CELF2: variants seen among roughly 807,000 people sequenced by gnomAD.
CELF2 encodes the protein CUGBP Elav-like family member 2.
CELF2 carries 8 observed loss-of-function variants against 62.6 expected under a neutral mutation model. The observed-to-expected ratio is 0.13, with a 90% CI of 0.07 to 0.23. The LOEUF is 0.23. Among genes scored for constraint, CELF2 ranks in the 10% least tolerant of loss-of-function variants. The pLI is 1.00. For synonymous variants in CELF2, 258 were observed against 250.0 expected (o/e 1.03, Z -0.30); for missense variants, 333 against 671.0 (o/e 0.50, Z 5.56).
At chr10:11,100,221 A>T (rs1291826) in intron 1 of CELF2, among the ~76,000 whole-genome samples, 71,596 of 149,818 alleles carry the variant, frequency 0.48, 20,189 homozygotes, top group East Asian at 0.83. Flanking sequence ...ATAAATAAAT[A>T]AAATAAATAA....
chr10:10,558,700 C>A, the CELF2 span, among the ~76,000 whole-genome samples: 1 of 152,090 alleles, frequency 6.6e-6, no homozygotes, highest in Non-Finnish European at 1.5e-5. Context: ...TTGATTATTG[C>A]CACAATTTCA....
chr10:10,752,008 T>A, the CELF2 span, among the ~76,000 whole-genome samples: 7 of 152,222 alleles, frequency 4.6e-5, no homozygotes, highest in African/African-American at 1.4e-4. Flanking sequence ...AACAACAAAT[T>A]ATGACCTGCT....
rs1429460916 is a variant in CELF2 at position 11,097,226 on chromosome 10, A to G, written c.75-68260A>G. Reference sequence around the variant, plus strand: ...TTTGTTTTCCTGGTATGTTTGTAGTAAAAAATTAAGATAACATAGGAGAGG... The same window carrying G: ...TTTGTTTTCCTGGTATGTTTGTAGTGAAAAATTAAGATAACATAGGAGAGG... On this transcript the variant is annotated intron_variant, in intron 1 of 12. Coordinates refer to ENST00000633077, the MANE Select transcript of CELF2 (RefSeq NM_001326342.2). 2.0e-5 allele frequency: 3 copies of G among 152,232 alleles called. No individual in the cohort carries two copies. In the East Asian group the frequency reaches 5.8e-4, roughly 29 times the overall value. 9.4% of individuals were successfully genotyped at this position (152,232 alleles called of 1,614,324 possible). A position where few individuals can be genotyped will look rare whatever the true frequency, so the allele number is the denominator to read the frequency against.
At chr10:11,197,797 T>A (rs950960706) in intron 2 of CELF2, among the ~76,000 whole-genome samples, 1 of 152,276 alleles carries the variant, frequency 6.6e-6, no homozygotes, top group Admixed American at 6.5e-5. Context: ...TGTGCTAGTA[T>A]ATATTTACTG....
In CELF2 at chr10:11,150,345, A is replaced by G. The variant is rs550894754; in HGVS notation, c.75-15141A>G. Among the ~76,000 whole-genome samples, 4 of 152,336 alleles carry G rather than the reference A, an allele frequency of 2.6e-5. No individual in the cohort carries two copies. In the South Asian group the frequency reaches 8.3e-4, roughly 32 times the overall value. On this transcript the variant is annotated intron_variant, in intron 1 of 12. Coordinates refer to ENST00000633077, the MANE Select transcript of CELF2 (RefSeq NM_001326342.2). ...AGCAAGTGTGTGCACTGCTATCTAA[A>G]CATGAACCCTGCATGCCATGTCTTA... is the stretch of plus-strand genomic sequence containing the variant.
intron 4 of CELF2, among the ~76,000 whole-genome samples, chr10:11,250,834 T>C (rs571045732): frequency 6.6e-6 from 1 of 152,238 alleles, no homozygotes; most frequent in Non-Finnish European, 1.5e-5. Context: ...AGAATGCCTC[T>C]ATGAAATGTT....
intron 4 of CELF2, among the ~76,000 whole-genome samples, chr10:11,250,303 GT>G (rs2076765019): frequency 6.6e-6 from 1 of 152,222 alleles, no homozygotes; most frequent in South Asian, 2.1e-4. Flanking sequence ...GAGCCCAGGA[GT>G]TCAAGGCCAG....
chr10:10,950,785 C>T (rs1002044132), intron 2 of CELF2, among the ~76,000 whole-genome samples: 3 of 152,212 alleles, frequency 2.0e-5, no homozygotes, highest in Non-Finnish European at 4.4e-5. Context: ...GACAGAAGAG[C>T]AGCAGCTATC....
chr10:10,598,758 T>C, the CELF2 span, among the ~76,000 whole-genome samples: 3,086 of 126,312 alleles, frequency 0.024, 137 homozygotes, highest in African/African-American at 0.085. Flanking sequence ...TTTCTTTTTT[T>C]TTTTTTTTTT....
At chr10:11,017,504 C>G (rs537937148), upstream of CELF2, among the ~76,000 whole-genome samples, 1 of 152,166 alleles carries the variant, frequency 6.6e-6, no homozygotes, top group East Asian at 1.9e-4. This position sits in a 1 kb window ranked among gnomAD's most constrained non-coding sequence, Gnocchi z 5.5. Context: ...AGTTCCTGCC[C>G]GGGCAAGCAC....
chr10:10,599,762 C>T, the CELF2 span, among the ~76,000 whole-genome samples: 31 of 137,626 alleles, frequency 2.3e-4, no homozygotes, highest in African/African-American at 7.3e-4. Flanking sequence ...GATGGAGTCT[C>T]GCTCTGTCAC....
At position 11,207,311 on chromosome 10, in the gene CELF2, G is replaced by A. The variant is rs1041609807; in HGVS notation, c.272-10114G>A. ...CAGGGAGCTTGCTAGTCTTCACGGG[G>A]TCATGGAAATAACAGAAGATGGTTC... is the stretch of plus-strand genomic sequence containing the variant. On this transcript the variant is annotated intron_variant, in intron 2 of 12. Coordinates refer to ENST00000633077, the MANE Select transcript of CELF2 (RefSeq NM_001326342.2). This position sits in a 1 kb window ranked among gnomAD's most constrained non-coding sequence, Gnocchi z 4.1. Among the ~76,000 whole-genome samples, 1 of 152,154 alleles carries A rather than the reference G, an allele frequency of 6.6e-6. No homozygotes were observed. Among genetic ancestry groups the A allele is most frequent in the African/African-American group, 2.4e-5 (1 of 41,432 alleles).
chr10:10,909,844 G>T (rs1438774769), intron 1 of CELF2, among the ~76,000 whole-genome samples: 6 of 136,968 alleles, frequency 4.4e-5, no homozygotes, highest in Non-Finnish European at 1.5e-5. Context: ...TAGACAGACA[G>T]CCTCATGAAA....
In CELF2 at chr10:11,246,776, C is replaced by T. The variant is rs1446578557; in HGVS notation, c.355-2377C>T. Among the ~76,000 whole-genome samples the T allele has an allele frequency of 6.6e-6, 1 of 152,224 alleles. No homozygotes were observed. On this transcript the variant is annotated intron_variant, in intron 3 of 12. Coordinates refer to ENST00000633077, the MANE Select transcript of CELF2 (RefSeq NM_001326342.2). The surrounding 1 kb of genome is among the most constrained non-coding windows in gnomAD (Gnocchi z 4.6). ...TTTGCACCCTTCTTTCCCTCGCTGACAGCTTCGCGCATACCTGTGGCTTCA... is the reference window on the plus strand; with the variant it reads ...TTTGCACCCTTCTTTCCCTCGCTGATAGCTTCGCGCATACCTGTGGCTTCA...
intron 1 of CELF2, among the ~76,000 whole-genome samples, chr10:11,090,978 C>A (rs960233304): frequency 1.1e-4 from 16 of 152,130 alleles, no homozygotes; most frequent in Admixed American, 5.2e-4. Context: ...AACATGTAAT[C>A]ATTGTATTGA....
Position 11,165,175 on chromosome 10 carries a change from C to A in CELF2, c.75-311C>A, listed in dbSNP as rs1336433431. 1 of 1,211,162 alleles carries A rather than the reference C, an allele frequency of 8.3e-7. No homozygotes were observed. Among genetic ancestry groups the A allele is most frequent in the African/African-American group, 1.6e-5 (1 of 62,790 alleles). The allele number at this position is 1,211,162 out of a possible 1,614,324, so 75.0% of individuals were successfully genotyped here. On this transcript the variant is annotated intron_variant, in intron 1 of 12. Coordinates refer to ENST00000633077, the MANE Select transcript of CELF2 (RefSeq NM_001326342.2). The surrounding 1 kb of genome is among the most constrained non-coding windows in gnomAD (Gnocchi z 7.4). Reference sequence around the variant, plus strand: ...TGGCAGCCTTGCAGAGCTAGACCTGCACTTAACTTGCAGCTGCCTCCCGAG... The same window carrying A: ...TGGCAGCCTTGCAGAGCTAGACCTGAACTTAACTTGCAGCTGCCTCCCGAG...
intron 1 of CELF2, among the ~76,000 whole-genome samples, chr10:11,038,600 TA>T (rs2139331196): frequency 6.6e-6 from 1 of 152,344 alleles, no homozygotes; most frequent in South Asian, 2.1e-4. Flanking sequence ...AATCAACTAC[TA>T]TGCAGTACAC....
chr10:11,024,308 G>C (rs1172956125), intron 1 of CELF2, among the ~76,000 whole-genome samples: 1 of 152,162 alleles, frequency 6.6e-6, no homozygotes, highest in African/African-American at 2.4e-5. Flanking sequence ...TTAAATCTCA[G>C]TAATTAAAGA....
the CELF2 span, among the ~76,000 whole-genome samples, chr10:10,726,161 C>T: frequency 2.6e-5 from 4 of 152,140 alleles, no homozygotes; most frequent in Non-Finnish European, 5.9e-5. Flanking sequence ...CACCTTCAGT[C>T]GGCTTCTTAG....
Sources: gnomAD v4.1 joint callset for allele counts (sites outside exome capture counted in the v4.1 genomes callset) on GRCh38, gnomAD v4.1.1 for gene constraint, Gnocchi (gnomAD v3.1) non-coding constraint, MANE v1.5 for transcripts, NCBI Gene and HGNC (gene_info 2026-07-23, HGNC 2026-07-21) for gene names.